RNF38: variants seen among roughly 807,000 people sequenced by gnomAD.
RNF38 encodes the protein ring finger protein 38.
RNF38 carries 15 observed loss-of-function variants against 67.2 expected under a neutral mutation model. The ratio of observed to expected loss-of-function variants is 0.22; its 90% CI spans 0.15 to 0.34. The LOEUF (loss-of-function observed/expected upper bound fraction) is 0.34. Among genes scored for constraint, RNF38 ranks in the 10% least tolerant of loss-of-function variants. The pLI, the probability that RNF38 is intolerant of heterozygous loss-of-function variation, is 1.00. For missense variants in RNF38, 524 were observed against 639.9 expected (o/e 0.82, Z 1.95); for synonymous variants, 220 against 218.8 (o/e 1.01, Z -0.05).
At chr9:36,487,214 G>T in intron 1 of RNF38, 1 of 794,724 alleles carries the variant, frequency 1.3e-6, no homozygotes, top group Non-Finnish European at 1.5e-6. Context: ...CCTCCCCGTC[G>T]GCGGGGCCGG....
intron 1 of RNF38, among the ~76,000 whole-genome samples, chr9:36,478,036 G>A (rs1235459835): frequency 6.9e-5 from 5 of 72,028 alleles, no homozygotes; most frequent in Non-Finnish European, 1.3e-4. Context: ...AGCAGTTTGA[G>A]ATACCAAGTA....
At position 36,361,166 on chromosome 9, in the gene RNF38, T is replaced by C. The variant is rs370412065; in HGVS notation, c.571-3224A>G. On this transcript the variant is annotated intron_variant, in intron 4 of 11. Transcript: ENST00000259605. ...AGACATCAGATTGTATAGTCATTTTTTCCCCATACTAAGAAAAATACTTCT... is the reference window on the plus strand; with the variant it reads ...AGACATCAGATTGTATAGTCATTTTCTCCCCATACTAAGAAAAATACTTCT... Among the ~76,000 whole-genome samples, 24 of 152,032 alleles carry C rather than the reference T, an allele frequency of 1.6e-4. No homozygotes were observed. In the East Asian group the frequency reaches 4.1e-3, roughly 26 times the overall value.
Position 36,436,479 on chromosome 9 carries a change from C to T in RNF38, n.242-11796G>A, listed in dbSNP as rs1839068622. ...ATTAGATTCATTTATACCAATTTTCCTTCTATTATTTGTGGAAAATATATA... is the reference window on the plus strand; with the variant it reads ...ATTAGATTCATTTATACCAATTTTCTTTCTATTATTTGTGGAAAATATATA... On this transcript the variant is annotated intron_variant and non_coding_transcript_variant, in intron 1 of 3. Coordinates refer to the RNF38 transcript ENST00000488058. Among the ~76,000 whole-genome samples, 4 of 152,110 alleles carry T rather than the reference C, an allele frequency of 2.6e-5. No homozygotes were observed. In the South Asian group the frequency reaches 6.2e-4, roughly 24 times the overall value.
intron 11 of RNF38, among the ~76,000 whole-genome samples, chr9:36,340,206 T>C (rs1832738491): frequency 1.3e-5 from 2 of 151,996 alleles, no homozygotes; most frequent in Admixed American, 6.6e-5. Context: ...CTCAAACTCC[T>C]GACCTCGGGT....
chr9:36,352,098 G>A (rs745756478), intron 8 of RNF38, among the ~76,000 whole-genome samples: 50 of 152,156 alleles, frequency 3.3e-4, no homozygotes, highest in Admixed American at 6.6e-4. Context: ...TCAGGAGTTC[G>A]TGAGCAGCCT....
At chr9:36,400,792 C>A (rs1587619479), upstream of RNF38, 1 of 985,556 alleles carries the variant, frequency 1.0e-6, no homozygotes, top group African/African-American at 1.7e-5. Flanking sequence ...ATGACAGAGT[C>A]GCCTAACGCC....
At chr9:36,347,945 G>A (rs574347189) in intron 9 of RNF38, among the ~76,000 whole-genome samples, 5 of 152,184 alleles carry the variant, frequency 3.3e-5, no homozygotes, top group African/African-American at 7.2e-5. Flanking sequence ...TCATGGTGGC[G>A]GGCGCCTGTA....
intron 3 of RNF38, chr9:36,372,444 T>C (rs1835459546): frequency 1.5e-6 from 1 of 651,468 alleles, no homozygotes. Context: ...TTATTAATAG[T>C]ATCCCTCTTT....
intron 8 of RNF38, among the ~76,000 whole-genome samples, chr9:36,351,640 GGAGA>G (rs542049194): frequency 6.6e-6 from 1 of 152,156 alleles, no homozygotes; most frequent in Non-Finnish European, 1.5e-5. Context: ...GAGAAAACGG[GGAGA>G]GAGAGGAAGG....
intron 1 of RNF38, among the ~76,000 whole-genome samples, chr9:36,465,394 T>A (rs1158879241): frequency 6.6e-6 from 1 of 152,228 alleles, no homozygotes; most frequent in African/African-American, 2.4e-5. Context: ...TTGCCCAGGC[T>A]GGAGTGCAAT....
At chr9:36,375,534 C>A (rs1290601673) in intron 3 of RNF38, among the ~76,000 whole-genome samples, 2 of 152,034 alleles carry the variant, frequency 1.3e-5, no homozygotes, top group Non-Finnish European at 2.9e-5. Flanking sequence ...CTCCTAATTG[C>A]CTTTGAGGAT....
intron 2 of RNF38, among the ~76,000 whole-genome samples, chr9:36,419,346 C>A (rs1838559328): frequency 6.6e-6 from 1 of 152,142 alleles, no homozygotes; most frequent in Non-Finnish European, 1.5e-5. Context: ...TTTTCCAAGA[C>A]AAATGAATGA....
intron 3 of RNF38, among the ~76,000 whole-genome samples, chr9:36,375,267 G>T (rs1039317255): frequency 6.6e-6 from 1 of 152,114 alleles, no homozygotes; most frequent in African/African-American, 2.4e-5. Context: ...CATAGCTAAG[G>T]TTCATTGCAG....
chr9:36,375,868 ATGT>A, intron 3 of RNF38, 63 bp downstream of exon 3: 1 of 1,427,076 alleles, frequency 7.0e-7, no homozygotes, highest in South Asian at 1.3e-5. Flanking sequence ...ATGTTTTCTG[ATGT>A]TAAATATACT....
Position 36,453,703 on chromosome 9 carries a change from T to A in RNF38, n.242-29020A>T, listed in dbSNP as rs573968994. On this transcript the variant is annotated intron_variant and non_coding_transcript_variant, in intron 1 of 3. Transcript: ENST00000488058. ...CGCCACTGAGCTAAGTTTTAAAAAA[T>A]TTTTTGTAAAGATGAGGTCTTGCCA... Among the ~76,000 whole-genome samples, 11 of 152,182 alleles carry A rather than the reference T, an allele frequency of 7.2e-5. No homozygotes were observed. The East Asian group carries it at 7.7e-4, about 11-fold the overall frequency.
chr9:36,468,277 T>A (rs1393693136), intron 1 of RNF38, among the ~76,000 whole-genome samples: 1 of 150,518 alleles, frequency 6.6e-6, no homozygotes, highest in Non-Finnish European at 1.5e-5. Flanking sequence ...AAGTATTGCT[T>A]CTAGAAGTGC....
chr9:36,349,836 G>A (rs1833566901), intron 9 of RNF38, among the ~76,000 whole-genome samples: 1 of 152,060 alleles, frequency 6.6e-6, no homozygotes, highest in African/African-American at 2.4e-5. Flanking sequence ...TTGCAGGTGG[G>A]TATCCAGTTT....
intron 4 of RNF38, among the ~76,000 whole-genome samples, chr9:36,365,209 C>T (rs1416221970): frequency 3.2e-5 from 4 of 125,424 alleles, no homozygotes; most frequent in Non-Finnish European, 4.9e-5. Flanking sequence ...TATTATGTGC[C>T]GCTTTTAAGA....
rs1263039861 is a variant in RNF38, at chr9:36,352,730, GA to G, written c.1178+11del. ...CAAAATTCAGAAATCATTAAGATAAGAAAGAACTTACAACACATATGGCAGT... is the reference window on the plus strand; with the variant it reads ...CAAAATTCAGAAATCATTAAGATAAGAAGAACTTACAACACATATGGCAGT... On this transcript the variant is annotated intron_variant, in intron 8 of 11. Coordinates refer to ENST00000259605, the MANE Select transcript of RNF38 (RefSeq NM_022781.5). 22 of 1,574,384 alleles carry G rather than the reference GA, an allele frequency of 1.4e-5. No homozygotes were observed. Among genetic ancestry groups the G allele is most frequent in the African/African-American group, 2.7e-5 (2 of 74,038 alleles).
Sources: allele counts gnomAD v4.1 joint callset (sites outside exome capture counted in the v4.1 genomes callset), GRCh38; gene constraint gnomAD v4.1.1; transcripts MANE v1.5; gene names NCBI Gene and HGNC (gene_info 2026-07-23, HGNC 2026-07-21).